IFI30: variants seen among roughly 807,000 people sequenced by gnomAD.
The protein encoded by IFI30 is IFI30 lysosomal thiol reductase.
Under a neutral mutation model 30.1 loss-of-function variants are expected in IFI30, and 26 were observed. The observed-to-expected ratio is 0.87, with a 90% CI of 0.63 to 1.20. The LOEUF is 1.20. IFI30 is among the 50% of genes most tolerant of loss of function. The pLI, the probability that IFI30 is intolerant of heterozygous loss-of-function variation, is 0.00. For missense variants in IFI30, 296 were observed against 312.5 expected, an observed-to-expected ratio of 0.95 and a Z score of 0.40; for synonymous variants, 149 against 134.5, an observed-to-expected ratio of 1.11 and a Z score of -0.75.
chr19:18,174,149 C>T (rs1156782272), intron 1 of IFI30, 176 bp downstream of exon 1: 2 of 613,654 alleles, frequency 3.3e-6, no homozygotes, highest in African/African-American at 1.9e-5. Context: ...CACACTCCCT[C>T]CGTGCCGTTT....
chr19:18,177,059 G>T, intron 4 of IFI30, 81 bp from the exon 5 acceptor site: 2 of 1,397,480 alleles, frequency 1.4e-6, no homozygotes, highest in Non-Finnish European at 9.5e-7. Context: ...GACGAAACAG[G>T]CTTGGCTCAG....
chr19:18,177,654 G>A (rs1300956919), intron 5 of IFI30, 57 bp from the exon 6 acceptor site: 32 of 1,594,408 alleles, frequency 2.0e-5, no homozygotes, highest in Non-Finnish European at 2.7e-5. Flanking sequence ...CTGGAACCAG[G>A]GTGCATGGGT....
chr19:18,177,502 T>A, intron 5 of IFI30: 1 of 764,744 alleles, frequency 1.3e-6, no homozygotes, highest in Non-Finnish European at 2.2e-6. Flanking sequence ...GAAAGGTGAG[T>A]AGGAGTCCAT....
chr19:18,175,360 AG>A lies in IFI30; in HGVS notation c.367del (p.Glu123SerfsTer19). 1 of 1,592,966 alleles carries A rather than the reference AG, an allele frequency of 6.3e-7. No homozygotes were observed. Among genetic ancestry groups the A allele is most frequent in the East Asian group, 2.3e-5 (1 of 43,846 alleles). On this transcript the variant is annotated frameshift_variant, in exon 3 of 7. Transcript: ENST00000407280. LOFTEE classifies it high-confidence loss of function. ...RWEFKCQHGE[E>X]ECKFNKVEAC... ...GAGTTCAAGTGCCAGCATGGAGAAGAGGAGTGCAAATTCAACAAGGTGGAGG... is the reference window on the plus strand; with the variant it reads ...GAGTTCAAGTGCCAGCATGGAGAAGAGAGTGCAAATTCAACAAGGTGGAGG...
At chr19:18,177,801 G>A (rs772565792) in intron 6 of IFI30, 37 bp downstream of exon 6, 1 of 1,611,588 alleles carries the variant, frequency 6.2e-7, no homozygotes, top group South Asian at 1.1e-5. Flanking sequence ...TCAGGTGGTG[G>A]GGGTAGGGTC....
In IFI30 at chr19:18,175,582, C is replaced by T. The variant is rs756698222; in HGVS notation, c.391-23C>T. Reference sequence around the variant, plus strand: ...ACCCTAGGCCCTCTTCATGCCCTCTCCTGCCCCCTCTCCAAACCCCAGGCC... The same window carrying T: ...ACCCTAGGCCCTCTTCATGCCCTCTTCTGCCCCCTCTCCAAACCCCAGGCC... On this transcript the variant is annotated intron_variant, in intron 3 of 6. Coordinates refer to ENST00000407280, the MANE Select transcript of IFI30 (RefSeq NM_006332.5). The T allele has an allele frequency of 1.9e-6, 3 of 1,592,438 alleles. No individual in the cohort carries two copies. The East Asian group carries it at 6.8e-5, about 36-fold the overall frequency.
intron 6 of IFI30, 33 bp from the exon 7 acceptor site, chr19:18,177,816 T>A (rs1372848293): frequency 8.7e-6 from 14 of 1,608,856 alleles, no homozygotes; most frequent in Non-Finnish European, 1.1e-5. Flanking sequence ...AGGGTCTCCT[T>A]CCAGGACCCC....
intron 4 of IFI30, among the ~76,000 whole-genome samples, chr19:18,176,141 CTTTTTTTT>C (rs71336666): frequency 3.5e-5 from 2 of 56,448 alleles, no homozygotes; most frequent in South Asian, 6.3e-4. Flanking sequence ...GCACCCAGCC[CTTTTTTTT>C]TTTTTTTTTT....
intron 3 of IFI30, 31 bp downstream of exon 3, chr19:18,175,416 G>A (rs1328677288): frequency 1.3e-6 from 2 of 1,561,882 alleles, no homozygotes; most frequent in East Asian, 2.4e-5. Flanking sequence ...ACACTGGGGT[G>A]GGGGAAAACT....
In IFI30 at chr19:18,175,051, A is replaced by C; in HGVS notation, c.144A>C (p.Leu48=). 6.2e-7 allele frequency: 1 copy of C among 1,613,598 alleles called. No individual in the cohort carries two copies. ...GPPVNYKTGN[L]YLRGPLKKSN... ...TTCCTAATCCACAGACAGGCAATCT[A>C]TACCTGCGGGGGCCCCTGAAGAAGT... is the stretch of plus-strand genomic sequence containing the variant. The change falls in exon 2 of 7, where the codon CTA becomes CTC. Residue 48 remains leucine (L), a synonymous_variant. Coordinates refer to ENST00000407280, the MANE Select transcript of IFI30 (RefSeq NM_006332.5).
In IFI30 at chr19:18,175,119, T is replaced by G. The variant is rs776733818; in HGVS notation, c.212T>G (p.Leu71Arg). 1.2e-6 allele frequency: 2 copies of G among 1,613,518 alleles called. No individual in the cohort carries two copies. The highest frequency in any genetic ancestry group is 2.2e-5 in the South Asian group (2 of 90,980). Reference protein sequence around the residue: ...LVNVTLYYEALCGGCRAFLIR... With the variant: ...LVNVTLYYEARCGGCRAFLIR... ...AATGTGACCCTCTACTATGAAGCAC[T>G]GTGCGGTGGCTGCCGAGCCTTCCTG... Residue 71 changes from leucine (L) to arginine (R), a missense_variant, in exon 2 of 7, where the codon CTG (leucine) becomes CGG (arginine). Physicochemically the swap from Leu to Arg is moderately radical, Grantham distance 102 (BLOSUM62 -2). Coordinates refer to ENST00000407280, the MANE Select transcript of IFI30 (RefSeq NM_006332.5).
chr19:18,177,807 G>C (rs998795867), intron 6 of IFI30, 42 bp from the exon 7 acceptor site: 1 of 1,610,512 alleles, frequency 6.2e-7, no homozygotes, highest in Admixed American at 1.7e-5. Flanking sequence ...GGTGGGGGTA[G>C]GGTCTCCTTC....
At chr19:18,175,001 C>T (rs774645637) in intron 1 of IFI30, 39 bp from the exon 2 acceptor site, 1 of 1,569,998 alleles carries the variant, frequency 6.4e-7, no homozygotes, top group Non-Finnish European at 8.7e-7. Context: ...GGGAACTGCC[C>T]AGGGCTACAC....
In IFI30 at chr19:18,175,198, G is replaced by C. The variant is rs200372; in HGVS notation, c.291G>C (p.Thr97=). 1.8e-3 allele frequency: 2,848 copies of C among 1,593,098 alleles called. 36 individuals are homozygous for C. In the African/African-American group the frequency reaches 0.032, roughly 18 times the overall value. The change falls in exon 2 of 7, where the codon ACG becomes ACC. Residue 97 remains threonine (T), a synonymous_variant. Transcript: ENST00000407280. ...WLLVMEILNV[T]LVPYGNAQEQ... is the part of the protein sequence containing the mutation. ...TGGTCATGGAGATCCTCAATGTCAC[G>C]CTGGTGCCCTACGGAAACGCACAGG...
At chr19:18,177,605 CG>C in intron 5 of IFI30, 105 bp from the exon 6 acceptor site, 1 of 1,325,208 alleles carries the variant, frequency 7.5e-7, no homozygotes, top group Admixed American at 2.0e-5. Flanking sequence ...AGGCGGGAGG[CG>C]GGGGCCAGAC....
At chr19:18,177,790 T>A in intron 6 of IFI30, 26 bp downstream of exon 6, 3 of 1,612,838 alleles carry the variant, frequency 1.9e-6, no homozygotes, top group Non-Finnish European at 2.5e-6. Context: ...AGCAGTGGGA[T>A]TCAGGTGGTG....
Position 18,177,868 on chromosome 19 carries a change from G to A in IFI30, c.710G>A (p.Cys237Tyr), listed in dbSNP as rs779256288. ...CTCCAGGGCAAGAAGCCGGATGTCT[G>A]CCCTTCCTCAACCAGCTCCCTCAGG... ...QLYQGKKPDV[C>Y]PSSTSSLRSV... Residue 237 changes from cysteine (C) to tyrosine (Y), a missense_variant, in exon 7 of 7, where the codon TGC becomes TAC. Physicochemically the swap from Cys to Tyr is radical, Grantham distance 194. Transcript: ENST00000407280. The A allele has an allele frequency of 1.9e-6, 3 of 1,598,888 alleles. No individual in the cohort carries two copies. Among genetic ancestry groups the A allele is most frequent in the Admixed American group, 1.7e-5 (1 of 57,618 alleles).
intron 1 of IFI30, 122 bp from the exon 2 acceptor site, chr19:18,174,918 G>T: frequency 1.4e-6 from 1 of 730,990 alleles, no homozygotes. Flanking sequence ...GGCAAGTTCT[G>T]GAAGGCGTGC....
chr19:18,175,080 A>G lies in IFI30; in HGVS notation c.173A>G (p.Asn58Ser), dbSNP rs779809128. ...CTGCGGGGGCCCCTGAAGAAGTCCA[A>G]TGCACCGCTTGTCAATGTGACCCTC... ...LYLRGPLKKS[N>S]APLVNVTLYY... is the part of the protein sequence containing the mutation. Residue 58 changes from asparagine to serine, a missense_variant, in exon 2 of 7, where the codon AAT becomes AGT. By Grantham distance (46) the Asn-to-Ser change is conservative (BLOSUM62 1). Coordinates refer to ENST00000407280, the MANE Select transcript of IFI30 (RefSeq NM_006332.5). 10 of 1,613,778 alleles carry G rather than the reference A, an allele frequency of 6.2e-6. No individual in the cohort carries two copies. The highest frequency in any genetic ancestry group is 4.5e-5 in the East Asian group (2 of 44,878).
Sources: allele counts gnomAD v4.1 joint callset (sites outside exome capture counted in the v4.1 genomes callset), GRCh38; gene constraint gnomAD v4.1.1; transcripts MANE v1.5; gene names NCBI Gene and HGNC (gene_info 2026-07-23, HGNC 2026-07-21).